The following MDGA2 variants were observed in gnomAD, a reference collection of about 807,000 sequenced individuals.
MDGA2 encodes the protein MAM domain containing glycosylphosphatidylinositol anchor 2, also known as MAM domain-containing glycosylphosphatidylinositol anchor protein 2.
MDGA2 carries 40 observed loss-of-function variants against 117.8 expected under a neutral mutation model. The observed-to-expected ratio is 0.34, with a 90% CI of 0.26 to 0.44. The LOEUF (loss-of-function observed/expected upper bound fraction) is 0.44. MDGA2 is among the 20% of genes least tolerant of loss of function. The pLI, the probability that MDGA2 is intolerant of heterozygous loss-of-function variation, is 1.00. For synonymous variants in MDGA2, 452 were observed against 439.0 expected, an observed-to-expected ratio of 1.03 and a Z score of -0.37; for missense variants, 1,123 against 1,250.6, an observed-to-expected ratio of 0.90 and a Z score of 1.54.
At chr14:46,933,040 T>C (rs946837264) in intron 9 of MDGA2, among the ~76,000 whole-genome samples, 2 of 152,006 alleles carry the variant, frequency 1.3e-5, no homozygotes, top group Admixed American at 1.3e-4. Context: ...AAATATAAAA[T>C]GCTTAGGCAT....
intron 7 of MDGA2, among the ~76,000 whole-genome samples, chr14:47,054,938 T>A (rs901090564): frequency 6.6e-6 from 1 of 151,910 alleles, no homozygotes; most frequent in Non-Finnish European, 1.5e-5. Flanking sequence ...GTATCTTTTT[T>A]TTCTTATCTA....
intron 1 of MDGA2, among the ~76,000 whole-genome samples, chr14:47,512,983 G>A (rs1464050394): frequency 6.7e-6 from 1 of 150,044 alleles, no homozygotes; most frequent in African/African-American, 2.5e-5. Context: ...GTTAGTTATT[G>A]TATTATTTAT....
intron 1 of MDGA2, among the ~76,000 whole-genome samples, chr14:47,494,944 CACAT>C (rs1257508815): frequency 2.7e-5 from 4 of 150,496 alleles, no homozygotes; most frequent in African/African-American, 7.3e-5. Flanking sequence ...CATATACACA[CACAT>C]ATATATACAC....
At chr14:46,916,439 C>T (rs1170265178) in intron 10 of MDGA2, among the ~76,000 whole-genome samples, 1 of 151,726 alleles carries the variant, frequency 6.6e-6, no homozygotes, top group South Asian at 2.1e-4. Context: ...AAAAAAGCAC[C>T]TATTTCCATT....
At chr14:47,159,333 C>G (rs1402308036) in intron 3 of MDGA2, among the ~76,000 whole-genome samples, 2 of 152,152 alleles carry the variant, frequency 1.3e-5, no homozygotes, top group Admixed American at 6.5e-5. Flanking sequence ...AAAAATCTTA[C>G]TTTTCTCACA....
intron 3 of MDGA2, among the ~76,000 whole-genome samples, chr14:47,203,998 CATA>C (rs1885597938): frequency 6.6e-6 from 1 of 151,742 alleles, no homozygotes; most frequent in Admixed American, 6.6e-5. Flanking sequence ...TGAGTTGGCA[CATA>C]ATAATATTTA....
At chr14:47,149,000 A>G (rs1224680328) in intron 3 of MDGA2, among the ~76,000 whole-genome samples, 1 of 152,140 alleles carries the variant, frequency 6.6e-6, no homozygotes, top group Non-Finnish European at 1.5e-5. Flanking sequence ...ATTAAGATAA[A>G]TGTGCCTGGC....
intron 6 of MDGA2, among the ~76,000 whole-genome samples, chr14:47,069,434 GGTTCATTTGAGTTCTATCATTTGAACA>G (rs1373862508): frequency 6.6e-6 from 1 of 152,120 alleles, no homozygotes; most frequent in Non-Finnish European, 1.5e-5. Flanking sequence ...CAGTCTCCCT[GGTTCATTTGAGTTCTATCATTTGAACA>G]GTTCATTTGA....
intron 3 of MDGA2, among the ~76,000 whole-genome samples, chr14:47,189,994 C>T (rs1343380339): frequency 6.6e-6 from 1 of 152,130 alleles, no homozygotes; most frequent in East Asian, 1.9e-4. Context: ...CAAATCCCAT[C>T]ATTTGTCTCA....
At chr14:47,334,934 T>C (rs1158945205) in intron 1 of MDGA2, among the ~76,000 whole-genome samples, 1 of 151,878 alleles carries the variant, frequency 6.6e-6, no homozygotes, top group Non-Finnish European at 1.5e-5. Context: ...GATAAAACAA[T>C]GGGAATGTGA....
chr14:47,626,058 AC>A (rs1279284157), intron 1 of MDGA2, among the ~76,000 whole-genome samples: 1 of 152,150 alleles, frequency 6.6e-6, no homozygotes, highest in African/African-American at 2.4e-5. Context: ...ACTCACTCAT[AC>A]TTAAGTCTCT....
At chr14:47,607,260 T>TG (rs1339283777) in intron 1 of MDGA2, among the ~76,000 whole-genome samples, 1 of 152,092 alleles carries the variant, frequency 6.6e-6, no homozygotes, top group Non-Finnish European at 1.5e-5. Context: ...GAGATCAGCA[T>TG]GGGGAAAAGA....
chr14:47,328,482 T>C (rs949608728), intron 1 of MDGA2, among the ~76,000 whole-genome samples: 5 of 152,134 alleles, frequency 3.3e-5, no homozygotes, highest in African/African-American at 1.2e-4. Flanking sequence ...AGATCCTAAG[T>C]AATACAAACC....
At chr14:47,611,908 C>T (rs1245829175) in intron 1 of MDGA2, among the ~76,000 whole-genome samples, 2 of 152,132 alleles carry the variant, frequency 1.3e-5, no homozygotes. Flanking sequence ...CAGAGTAACT[C>T]ACCTATGTGA....
At chr14:47,584,762 A>G (rs1285834532) in intron 1 of MDGA2, among the ~76,000 whole-genome samples, 2 of 151,848 alleles carry the variant, frequency 1.3e-5, no homozygotes, top group Non-Finnish European at 2.9e-5. Context: ...TTATAATCCC[A>G]TAGAAGTTCC....
In MDGA2 at chr14:47,207,565, G is replaced by A. The variant is rs576607512; in HGVS notation, c.595+10456C>T. Among the ~76,000 whole-genome samples the A allele has an allele frequency of 2.4e-3, 367 of 151,978 alleles. 4 individuals carry two copies. The highest frequency in any genetic ancestry group is 8.6e-3 in the African/African-American group (355 of 41,510). On this transcript the variant is annotated intron_variant, in intron 3 of 16. Transcript: ENST00000399232. Reference sequence around the variant, plus strand: ...AATTTGTTCCCCTTTCTCTATTTTAGCTCATTCTGAAAACTGGAAAATATT... The same window carrying A: ...AATTTGTTCCCCTTTCTCTATTTTAACTCATTCTGAAAACTGGAAAATATT...
chr14:47,015,197 A>G (rs954539049), intron 8 of MDGA2, among the ~76,000 whole-genome samples: 1 of 152,106 alleles, frequency 6.6e-6, no homozygotes, highest in African/African-American at 2.4e-5. Flanking sequence ...AAACAATTAA[A>G]ATAATAATGT....
chr14:47,653,669 C>A (rs1345922394), intron 1 of MDGA2, among the ~76,000 whole-genome samples: 3 of 152,272 alleles, frequency 2.0e-5, no homozygotes, highest in Non-Finnish European at 2.9e-5. Context: ...AGTTGCTAAT[C>A]AGCTGACCTT....
chr14:47,646,622 G>A (rs1262861000), intron 1 of MDGA2, among the ~76,000 whole-genome samples: 3 of 152,174 alleles, frequency 2.0e-5, no homozygotes, highest in Non-Finnish European at 4.4e-5. Flanking sequence ...CTTCATTATG[G>A]TGTGCAGCTG....
Sources: allele counts gnomAD v4.1 joint callset (sites outside exome capture counted in the v4.1 genomes callset), GRCh38; gene constraint gnomAD v4.1.1; transcripts MANE v1.5; gene names NCBI Gene and HGNC (gene_info 2026-07-23, HGNC 2026-07-21).